The following AP1G1 variants were observed in gnomAD, a reference collection of about 807,000 sequenced individuals.
AP1G1 encodes the protein adaptor related protein complex 1 subunit gamma 1, also known as AP-1 complex subunit gamma-1.
Under a neutral mutation model 108.3 loss-of-function variants are expected in AP1G1, and 7 were observed. That is an observed-to-expected ratio of 0.06 (90% CI 0.04 to 0.12). The LOEUF (loss-of-function observed/expected upper bound fraction) is 0.12. Among genes scored for constraint, AP1G1 ranks in the 10% least tolerant of loss-of-function variants. The probability of loss-of-function intolerance (pLI) is 1.00; values close to 1 mark genes in which losing one functional copy is unlikely to be tolerated. For missense variants in AP1G1, 756 were observed against 1,010.7 expected (o/e 0.75, Z 3.42); for synonymous variants, 379 against 353.5 (o/e 1.07, Z -0.81).
rs2031630343 is a variant in AP1G1 at position 71,772,868 on chromosome 16, T to C, written c.468+353A>G. The C allele has an allele frequency of 9.1e-6, 3 of 330,978 alleles. No individual in the cohort carries two copies. The East Asian group carries it at 2.5e-4, about 28-fold the overall frequency. 20.5% of individuals were successfully genotyped at this position (330,978 alleles called of 1,614,324 possible). A position where few individuals can be genotyped will look rare whatever the true frequency, so the allele number is the denominator to read the frequency against. On this transcript the variant is annotated intron_variant, in intron 4 of 22. Transcript: ENST00000299980. ...ATAATTATCTAGGTCCCAATAGAAC[T>C]GCCCTTCCAGAGACACAAAGGCACT... is the stretch of plus-strand genomic sequence containing the variant.
intron 1 of AP1G1, among the ~76,000 whole-genome samples, chr16:71,802,547 T>C (rs1212554248): frequency 1.3e-5 from 2 of 151,988 alleles, no homozygotes; most frequent in South Asian, 2.1e-4. Context: ...CTGTCCAACA[T>C]GGTGAAACCC....
chr16:71,789,458 G>T lies in AP1G1; in HGVS notation c.22C>A (p.Arg8=). 6.2e-7 allele frequency: 1 copy of T among 1,614,078 alleles called. No homozygotes were observed. The highest frequency in any genetic ancestry group is 8.5e-7 in the Non-Finnish European group (1 of 1,180,004). The change falls in exon 2 of 23, where the codon CGG becomes AGG. Residue 8 remains arginine (R), a synonymous_variant. Coordinates refer to ENST00000299980, the MANE Select transcript of AP1G1 (RefSeq NM_001128.6). ...GTCCGGATGGTCCGGATCAGCTCCCGCAATCTGATGGGGGCTGGCATCCTC... is the reference window on the plus strand; with the variant it reads ...GTCCGGATGGTCCGGATCAGCTCCCTCAATCTGATGGGGGCTGGCATCCTC... MPAPIRL[R]ELIRTIRTAR...
rs778596865 is a variant in AP1G1, at chr16:71,771,243, A to G, written c.478T>C (p.Cys160Arg). ...ACTTTCCTGATGACATGAACAGCAC[A>G]CAGTGCTGCCTATGAAAAAAAAAAT... ...NSYLRKKAAL[C>R]AVHVIRKVPE... The change falls in exon 5 of 23, where the codon TGT (cysteine) becomes CGT (arginine). Residue 160 changes from cysteine to arginine, a missense_variant. Coordinates refer to ENST00000299980, the MANE Select transcript of AP1G1 (RefSeq NM_001128.6). 6.3e-7 allele frequency: 1 copy of G among 1,589,200 alleles called. No individual in the cohort carries two copies. The highest frequency in any genetic ancestry group is 8.6e-7 in the Non-Finnish European group (1 of 1,166,284).
chr16:71,808,185 G>A (rs561263481), intron 1 of AP1G1: 7 of 1,081,748 alleles, frequency 6.5e-6, no homozygotes, highest in South Asian at 2.2e-5. Flanking sequence ...TCGCAGGTAG[G>A]TTGAAAAAAA....
chr16:71,778,308 C>T (rs1743416113), intron 2 of AP1G1, among the ~76,000 whole-genome samples: 1 of 152,156 alleles, frequency 6.6e-6, no homozygotes. Context: ...ATATACACTC[C>T]AGTGATGGAT....
intron 13 of AP1G1, among the ~76,000 whole-genome samples, chr16:71,750,704 C>T (rs2030447790): frequency 6.6e-6 from 1 of 152,042 alleles, no homozygotes; most frequent in Non-Finnish European, 1.5e-5. Context: ...GCGTGTGCCA[C>T]TGCGCCCAGC....
At chr16:71,783,459 G>A (rs2032095934) in intron 2 of AP1G1, among the ~76,000 whole-genome samples, 1 of 152,216 alleles carries the variant, frequency 6.6e-6, no homozygotes, top group South Asian at 2.1e-4. Context: ...ATTTGCAACA[G>A]AAACAAGAGC....
intron 15 of AP1G1, 88 bp downstream of exon 15, chr16:71,749,806 G>GA: frequency 8.6e-7 from 1 of 1,158,218 alleles, no homozygotes; most frequent in South Asian, 1.2e-5. Flanking sequence ...AGTTTTCAAG[G>GA]AATCAACCTC....
At chr16:71,795,619 G>A (rs1181171603) in intron 1 of AP1G1, among the ~76,000 whole-genome samples, 2 of 152,170 alleles carry the variant, frequency 1.3e-5, no homozygotes, top group Non-Finnish European at 2.9e-5. Context: ...TATCTGAGTT[G>A]CTTTAACGCC....
chr16:71,740,433 G>A (rs1173363012), intron 19 of AP1G1, among the ~76,000 whole-genome samples: 3 of 152,120 alleles, frequency 2.0e-5, no homozygotes, highest in Admixed American at 2.0e-4. Flanking sequence ...GTGTTCACTG[G>A]GAGATACATC....
chr16:71,766,323 C>T (rs1333599478), intron 6 of AP1G1: 8 of 368,514 alleles, frequency 2.2e-5, no homozygotes, highest in African/African-American at 4.3e-5. Flanking sequence ...ACTATACATT[C>T]CTTATAATCA....
chr16:71,770,863 T>C (rs1005561895), intron 5 of AP1G1, among the ~76,000 whole-genome samples: 3 of 152,262 alleles, frequency 2.0e-5, no homozygotes, highest in Non-Finnish European at 2.9e-5. Flanking sequence ...ATGAAAATTA[T>C]GGGTAGGCTC....
At chr16:71,771,089 T>G in intron 5 of AP1G1, 67 bp downstream of exon 5, 1 of 1,000,198 alleles carries the variant, frequency 1.0e-6, no homozygotes. Context: ...AGGACTAACA[T>G]AGCCTTAAGC....
intron 6 of AP1G1, among the ~76,000 whole-genome samples, chr16:71,767,206 G>A (rs547428932): frequency 1.3e-5 from 2 of 152,290 alleles, no homozygotes; most frequent in South Asian, 4.1e-4. Context: ...CTGGGACACA[G>A]AGCACAAATG....
At chr16:71,770,500 C>T (rs2031528080) in intron 5 of AP1G1, among the ~76,000 whole-genome samples, 1 of 152,224 alleles carries the variant, frequency 6.6e-6, no homozygotes, top group Non-Finnish European at 1.5e-5. Context: ...TTGAGTCTGG[C>T]AGGGTCTGGC....
rs542694062 is a variant in AP1G1, at chr16:71,730,782, A to G, written c.*2276T>C. On this transcript the variant is annotated 3_prime_UTR_variant, in exon 23 of 23. Coordinates refer to ENST00000299980, the MANE Select transcript of AP1G1 (RefSeq NM_001128.6). ...GCACCCTTTGTGTTAAGGCCATGAT[A>G]TTTTACTCCTTCTAGACAAAGCTAT... 2.6e-5 allele frequency: 4 copies of G among 152,722 alleles called. No homozygotes were observed. In the South Asian group the frequency reaches 8.3e-4, roughly 32 times the overall value. 9.5% of individuals were successfully genotyped at this position (152,722 alleles called of 1,614,324 possible). A position where few individuals can be genotyped will look rare whatever the true frequency, so the allele number is the denominator to read the frequency against.
intron 2 of AP1G1, among the ~76,000 whole-genome samples, chr16:71,782,786 G>A (rs958983470): frequency 2.6e-5 from 4 of 151,894 alleles, no homozygotes; most frequent in South Asian, 2.1e-4. Flanking sequence ...ATGCCCAGCC[G>A]ATTATTATTC....
chr16:71,789,781 AACTAAT>A (rs2032330565), intron 1 of AP1G1, among the ~76,000 whole-genome samples: 1 of 152,264 alleles, frequency 6.6e-6, no homozygotes, highest in South Asian at 2.1e-4. Context: ...ATATCTCAGA[AACTAAT>A]ACAACTCAAA....
chr16:71,807,464 T>C (rs1051122572), intron 1 of AP1G1, among the ~76,000 whole-genome samples: 1 of 152,192 alleles, frequency 6.6e-6, no homozygotes, highest in Non-Finnish European at 1.5e-5. Context: ...AGACATACTT[T>C]TTATTCAAGC....
Sources: allele counts gnomAD v4.1 joint callset (sites outside exome capture counted in the v4.1 genomes callset), GRCh38; gene constraint gnomAD v4.1.1; transcripts MANE v1.5; gene names NCBI Gene and HGNC (gene_info 2026-07-23, HGNC 2026-07-21).